Variants in TSHZ1 observed in about 807,000 individuals in gnomAD.
TSHZ1 encodes teashirt zinc finger homeobox 1, also known as teashirt homolog 1.
TSHZ1 carries 12 observed loss-of-function variants against 67.1 expected under a neutral mutation model. The observed-to-expected ratio is 0.18, with a 90% CI of 0.11 to 0.29. The LOEUF is 0.29. Ranked by LOEUF, TSHZ1 falls within the 10% of genes least tolerant of loss-of-function variation. The pLI, the probability that TSHZ1 is intolerant of heterozygous loss-of-function variation, is 1.00. For missense variants in TSHZ1, 1,305 were observed against 1,413.9 expected (o/e 0.92, Z 1.23); for synonymous variants, 632 against 622.4 (o/e 1.02, Z -0.23).
rs190970728 is a variant in TSHZ1 at position 75,287,963 on chromosome 18, G to A, written c.2556G>A (p.Thr852=). The part of the protein sequence containing the change: ...DMVKNLTGRL[T]PKSSTPSTVS... The stretch of plus-strand genomic sequence containing the variant: ...TGAAAAACCTCACAGGCCGCCTGAC[G>A]CCCAAGTCCTCCACGCCCTCCACAG... Residue 852 remains threonine (T), a synonymous_variant, in exon 2 of 2, where the codon ACG becomes ACA. Transcript: ENST00000580243. The surrounding 1 kb of genome is among the most constrained non-coding windows in gnomAD (Gnocchi z 5.0). 73 of 1,614,160 alleles carry A rather than the reference G, an allele frequency of 4.5e-5. No homozygotes were observed. In the East Asian group the frequency reaches 1.3e-3, roughly 28 times the overall value.
At chr18:75,221,792 G>T (rs150935336) in intron 1 of TSHZ1, among the ~76,000 whole-genome samples, 2 of 152,224 alleles carry the variant, frequency 1.3e-5, no homozygotes, top group African/African-American at 4.8e-5. Context: ...TTGTTACCTG[G>T]GAAGGTCCTG....
chr18:75,230,666 A>G (rs1599029831), intron 1 of TSHZ1, among the ~76,000 whole-genome samples: 1 of 152,360 alleles, frequency 6.6e-6, no homozygotes, highest in Middle Eastern at 3.4e-3. Flanking sequence ...ACACGCAGGT[A>G]TGACCTTAGT....
rs8090112 is a variant in TSHZ1, at chr18:75,237,754, G to A, written c.40+25838G>A. Among the ~76,000 whole-genome samples, 1,238 of 151,930 alleles carry A rather than the reference G, an allele frequency of 8.1e-3. 17 individuals carry two copies. Among genetic ancestry groups the A allele is most frequent in the African/African-American group, 0.028 (1,171 of 41,468 alleles). ...CCTCATTCTGAATAACTCACCATGCGTCTCATTTATGAATTAGACTGAAGC... is the reference window on the plus strand; with the variant it reads ...CCTCATTCTGAATAACTCACCATGCATCTCATTTATGAATTAGACTGAAGC... On this transcript the variant is annotated intron_variant, in intron 1 of 1. Coordinates refer to ENST00000580243, the MANE Select transcript of TSHZ1 (RefSeq NM_001308210.2).
At chr18:75,232,231 G>T (rs1485758924) in intron 1 of TSHZ1, among the ~76,000 whole-genome samples, 1 of 152,084 alleles carries the variant, frequency 6.6e-6, no homozygotes, top group African/African-American at 2.4e-5. Context: ...AGTAATTGAG[G>T]CTAGATTTCC....
intron 1 of TSHZ1, 38 bp downstream of exon 1, chr18:75,211,954 C>T: frequency 5.0e-6 from 6 of 1,201,726 alleles, no homozygotes; most frequent in Non-Finnish European, 6.2e-6. Flanking sequence ...GGAGTGGGCG[C>T]CGGGAGGAGC....
chr18:75,281,864 T>A lies in TSHZ1; in HGVS notation c.41-3584T>A, dbSNP rs1359428184. Among the ~76,000 whole-genome samples, 1 of 151,960 alleles carries A rather than the reference T, an allele frequency of 6.6e-6. No individual in the cohort carries two copies. The highest frequency in any genetic ancestry group is 1.5e-5 in the Non-Finnish European group (1 of 67,964). Reference sequence around the variant, plus strand: ...GCCCGAACCTGTGGGGGCCCAGCCTTCACCCTGGTCCACACGGGGCTCCCT... The same window carrying A: ...GCCCGAACCTGTGGGGGCCCAGCCTACACCCTGGTCCACACGGGGCTCCCT... On this transcript the variant is annotated intron_variant, in intron 1 of 1. Coordinates refer to ENST00000580243, the MANE Select transcript of TSHZ1 (RefSeq NM_001308210.2). The surrounding 1 kb of genome is among the most constrained non-coding windows in gnomAD (Gnocchi z 5.3).
intron 1 of TSHZ1, among the ~76,000 whole-genome samples, chr18:75,243,924 A>G (rs1228900870): frequency 6.6e-6 from 1 of 152,200 alleles, no homozygotes; most frequent in Non-Finnish European, 1.5e-5. Context: ...TTATGGAAAA[A>G]ATAGAGCTGG....
chr18:75,212,079 G>C (rs2022701817), intron 1 of TSHZ1, among the ~76,000 whole-genome samples, 163 bp downstream of exon 1: 1 of 152,020 alleles, frequency 6.6e-6, no homozygotes, highest in African/African-American at 2.4e-5. Flanking sequence ...TGCGGTCGCC[G>C]TCCTCCCCCA....
intron 1 of TSHZ1, among the ~76,000 whole-genome samples, chr18:75,230,799 C>G (rs1238689394): frequency 6.6e-6 from 1 of 152,126 alleles, no homozygotes; most frequent in Admixed American, 6.5e-5. Flanking sequence ...CAAATAAGAA[C>G]AAAGGAGGGT....
intron 1 of TSHZ1, among the ~76,000 whole-genome samples, chr18:75,261,421 G>T (rs1568362975): frequency 6.6e-6 from 1 of 152,154 alleles, no homozygotes; most frequent in Non-Finnish European, 1.5e-5. Flanking sequence ...GCTCATACTG[G>T]CACCTTTGAT....
At position 75,287,568 on chromosome 18, in the gene TSHZ1, G is replaced by A. The variant is rs1173259729; in HGVS notation, c.2161G>A (p.Ala721Thr). 6.2e-7 allele frequency: 1 copy of A among 1,614,072 alleles called. No individual in the cohort carries two copies. Among genetic ancestry groups the A allele is most frequent in the East Asian group, 2.2e-5 (1 of 44,886 alleles). Residue 721 changes from alanine to threonine, a missense_variant, in exon 2 of 2, where the codon GCA becomes ACA. Physicochemically the swap from Ala to Thr is moderately conservative, Grantham distance 58. Around this residue, in one of 3 missense-constraint regions of TSHZ1, gnomAD observed 909 missense variants for 961.8 expected, o/e 0.95. Transcript: ENST00000580243. This position sits in a 1 kb window ranked among gnomAD's most constrained non-coding sequence, Gnocchi z 5.0. ...CCCAAATGGCACAGAGCCTCTCAAA[G>A]CAAAGGTCACCAACGGCTGTAACAA... The part of the protein sequence containing the change: ...HTPNGTEPLK[A>T]KVTNGCNNLG...
chr18:75,217,155 G>A (rs1233264348), intron 1 of TSHZ1, among the ~76,000 whole-genome samples: 1 of 152,264 alleles, frequency 6.6e-6, no homozygotes, highest in Non-Finnish European at 1.5e-5. Context: ...GTGGGGCAAA[G>A]TGCCTTAGGC....
intron 1 of TSHZ1, among the ~76,000 whole-genome samples, chr18:75,231,076 G>A (rs1221432547): frequency 6.6e-6 from 1 of 152,198 alleles, no homozygotes; most frequent in Non-Finnish European, 1.5e-5. Flanking sequence ...GGCTGTGGGT[G>A]GCATGTGAGG....
At chr18:75,255,760 G>A (rs2023355190) in intron 1 of TSHZ1, among the ~76,000 whole-genome samples, 1 of 152,194 alleles carries the variant, frequency 6.6e-6, no homozygotes, top group South Asian at 2.1e-4. Context: ...AATTGTTCCA[G>A]TGATGCTGCA....
intron 1 of TSHZ1, among the ~76,000 whole-genome samples, chr18:75,242,684 G>A (rs955827551): frequency 7.2e-5 from 11 of 152,246 alleles, no homozygotes; most frequent in African/African-American, 2.7e-4. Context: ...CAGAGCTGTC[G>A]TTATTAGATT....
At chr18:75,239,537 G>A (rs1400601362) in intron 1 of TSHZ1, among the ~76,000 whole-genome samples, 1 of 152,164 alleles carries the variant, frequency 6.6e-6, no homozygotes, top group Non-Finnish European at 1.5e-5. Flanking sequence ...ATCTGGCTCT[G>A]TCGTCCAGGC....
chr18:75,226,297 A>G (rs1599027713), intron 1 of TSHZ1, among the ~76,000 whole-genome samples: 1 of 151,976 alleles, frequency 6.6e-6, no homozygotes, highest in Admixed American at 6.6e-5. Context: ...CACTCACCCA[A>G]CTCTGTGGTT....
At chr18:75,232,188 C>T (rs565785788) in intron 1 of TSHZ1, among the ~76,000 whole-genome samples, 14 of 152,330 alleles carry the variant, frequency 9.2e-5, no homozygotes, top group African/African-American at 3.1e-4. Flanking sequence ...GCTGGGATTA[C>T]AGGCGTGAGC....
chr18:75,225,667 C>T (rs2022915787), intron 1 of TSHZ1, among the ~76,000 whole-genome samples: 1 of 152,036 alleles, frequency 6.6e-6, no homozygotes, highest in African/African-American at 2.4e-5. Flanking sequence ...GAAAGGTTTT[C>T]CCAAGGAGAG....
Sources: gnomAD v4.1 joint callset for allele counts (sites outside exome capture counted in the v4.1 genomes callset) on GRCh38, gnomAD v4.1.1 for gene constraint, gnomAD v4.1.1 regional missense constraint, Gnocchi (gnomAD v3.1) non-coding constraint, MANE v1.5 for transcripts, NCBI Gene and HGNC (gene_info 2026-07-23, HGNC 2026-07-21) for gene names.